Variants in ROBO1 observed in about 807,000 individuals in gnomAD.
The protein encoded by ROBO1 is roundabout homolog 1.
Under a neutral mutation model 195.9 loss-of-function variants are expected in ROBO1, and 149 were observed. The ratio of observed to expected loss-of-function variants is 0.76; its 90% CI spans 0.67 to 0.87. The LOEUF (loss-of-function observed/expected upper bound fraction) is 0.87. Among genes scored for constraint, ROBO1 ranks in the 40% least tolerant of loss-of-function variants. The pLI is 0.00. For missense variants in ROBO1, 1,933 were observed against 2,068.3 expected (o/e 0.93, Z 1.27); for synonymous variants, 816 against 733.2 (o/e 1.11, Z -1.82).
intron 2 of ROBO1, among the ~76,000 whole-genome samples, chr3:79,434,047 C>T (rs1261493304): frequency 6.6e-6 from 1 of 152,136 alleles, no homozygotes; most frequent in African/African-American, 2.4e-5. Flanking sequence ...CTTCCTTACA[C>T]CTTATACAAA....
intron 1 of ROBO1, among the ~76,000 whole-genome samples, chr3:79,627,108 G>T (rs964633683): frequency 6.6e-6 from 1 of 152,000 alleles, no homozygotes; most frequent in Non-Finnish European, 1.5e-5. Flanking sequence ...TATTCCCCAT[G>T]AAACTACCAT....
At chr3:79,531,745 G>C (rs75755909) in intron 2 of ROBO1, among the ~76,000 whole-genome samples, 1 of 151,984 alleles carries the variant, frequency 6.6e-6, no homozygotes, top group Non-Finnish European at 1.5e-5. Context: ...TGAGACACTC[G>C]GTGTTGATTC....
intron 3 of ROBO1, among the ~76,000 whole-genome samples, chr3:79,018,165 C>A (rs887938507): frequency 6.6e-6 from 1 of 152,090 alleles, no homozygotes; most frequent in Non-Finnish European, 1.5e-5. Flanking sequence ...TGGCAAAAGG[C>A]CGAGATCTGC....
At chr3:79,176,703 C>T (rs1177979325) in intron 2 of ROBO1, among the ~76,000 whole-genome samples, 2 of 152,086 alleles carry the variant, frequency 1.3e-5, no homozygotes, top group Middle Eastern at 3.2e-3. Flanking sequence ...AGTGATCTGC[C>T]CCCAGCTCGG....
At chr3:78,925,236 C>T (rs1373184605) in intron 4 of ROBO1, among the ~76,000 whole-genome samples, 1 of 152,126 alleles carries the variant, frequency 6.6e-6, no homozygotes, top group East Asian at 1.9e-4. Flanking sequence ...ATAATATCTG[C>T]TGTTTAGTAT....
At chr3:78,727,694 A>G (rs2082198384) in intron 5 of ROBO1, among the ~76,000 whole-genome samples, 1 of 152,208 alleles carries the variant, frequency 6.6e-6, no homozygotes, top group Non-Finnish European at 1.5e-5. Flanking sequence ...ATATTTCTGA[A>G]CATACACATT....
At chr3:78,888,750 T>C (rs2036712746) in intron 4 of ROBO1, among the ~76,000 whole-genome samples, 1 of 152,124 alleles carries the variant, frequency 6.6e-6, no homozygotes, top group Non-Finnish European at 1.5e-5. Context: ...GAGAAATGAG[T>C]CCTGGCTCTG....
chr3:79,362,014 A>C (rs902925925), intron 2 of ROBO1, among the ~76,000 whole-genome samples: 1 of 152,108 alleles, frequency 6.6e-6, no homozygotes, highest in East Asian at 1.9e-4. Flanking sequence ...AGTTCAGTAG[A>C]GTGCCGGACA....
chr3:79,713,231 C>G (rs1056978249), intron 1 of ROBO1, among the ~76,000 whole-genome samples: 13 of 152,060 alleles, frequency 8.5e-5, no homozygotes, highest in Non-Finnish European at 1.6e-4. Context: ...TCTGCTAACA[C>G]ATTTTTTCTG....
intron 4 of ROBO1, among the ~76,000 whole-genome samples, chr3:78,824,448 C>G (rs2031381862): frequency 6.6e-6 from 1 of 152,086 alleles, no homozygotes; most frequent in Non-Finnish European, 1.5e-5. Context: ...TTATTCAAGG[C>G]TGATTGTAAA....
At chr3:79,463,201 G>A (rs950650166) in intron 2 of ROBO1, among the ~76,000 whole-genome samples, 1 of 151,912 alleles carries the variant, frequency 6.6e-6, no homozygotes, top group East Asian at 1.9e-4. Flanking sequence ...GTGAAACCCC[G>A]TCTCTACTAA....
At chr3:78,831,885 A>G (rs1339032984) in intron 4 of ROBO1, among the ~76,000 whole-genome samples, 2 of 152,208 alleles carry the variant, frequency 1.3e-5, no homozygotes, top group African/African-American at 4.8e-5. Flanking sequence ...TATCACAAGA[A>G]CAGCACAGGA....
At chr3:79,092,240 A>C (rs1318679951) in intron 3 of ROBO1, among the ~76,000 whole-genome samples, 1 of 152,164 alleles carries the variant, frequency 6.6e-6, no homozygotes, top group Non-Finnish European at 1.5e-5. Flanking sequence ...GATTTCAGAG[A>C]TCTTGTCCCG....
At chr3:79,016,327 A>G (rs994688259) in intron 3 of ROBO1, among the ~76,000 whole-genome samples, 7 of 152,250 alleles carry the variant, frequency 4.6e-5, no homozygotes, top group African/African-American at 1.4e-4. Context: ...CACTTTAGAA[A>G]GAAGCTTTTG....
intron 2 of ROBO1, among the ~76,000 whole-genome samples, chr3:79,294,572 T>C (rs1320059262): frequency 6.6e-6 from 1 of 152,008 alleles, no homozygotes; most frequent in South Asian, 2.1e-4. Context: ...CCAAAAGCAA[T>C]GGTAACAAAA....
chr3:79,400,405 C>T (rs1159399010), intron 2 of ROBO1, among the ~76,000 whole-genome samples: 8 of 151,974 alleles, frequency 5.3e-5, no homozygotes, highest in Admixed American at 3.3e-4. Flanking sequence ...CGTATGGATT[C>T]CCAAAATTAC....
intron 4 of ROBO1, among the ~76,000 whole-genome samples, chr3:78,797,543 A>G (rs2084221564): frequency 6.6e-6 from 1 of 152,212 alleles, no homozygotes; most frequent in Non-Finnish European, 1.5e-5. Context: ...ATGATTACCC[A>G]AATGCAAGAC....
At chr3:79,188,573 GTCTT>G (rs1440450742) in intron 2 of ROBO1, among the ~76,000 whole-genome samples, 7 of 151,476 alleles carry the variant, frequency 4.6e-5, no homozygotes, top group African/African-American at 1.2e-4. Context: ...CATATACGTC[GTCTT>G]TCTGTTTGTA....
At chr3:78,621,419 C>T (rs777238905) in intron 26 of ROBO1, among the ~76,000 whole-genome samples, 1 of 152,108 alleles carries the variant, frequency 6.6e-6, no homozygotes, top group Non-Finnish European at 1.5e-5. Flanking sequence ...GAAAGGATGC[C>T]AGCATTGTTG....
Sources: gnomAD v4.1 joint callset for allele counts (sites outside exome capture counted in the v4.1 genomes callset) on GRCh38, gnomAD v4.1.1 for gene constraint, MANE v1.5 for transcripts, NCBI Gene and HGNC (gene_info 2026-07-23, HGNC 2026-07-21) for gene names.